The following PTPRD variants were observed in gnomAD, a reference collection of about 807,000 sequenced individuals.
PTPRD encodes protein tyrosine phosphatase receptor type D, also known as receptor-type tyrosine-protein phosphatase delta.
In PTPRD, 34 loss-of-function variants were observed where a neutral mutation model predicts 214.5. That is an observed-to-expected ratio of 0.16 (90% CI 0.12 to 0.21). PTPRD has a LOEUF of 0.21. Ranked by LOEUF, PTPRD falls within the 10% of genes least tolerant of loss-of-function variation. PTPRD has a pLI of 1.00. For synonymous variants in PTPRD, 1,128 were observed against 845.7 expected, an observed-to-expected ratio of 1.33 and a Z score of -5.79; for missense variants, 2,545 against 2,398.7, an observed-to-expected ratio of 1.06 and a Z score of -1.27.
intron 10 of PTPRD, among the ~76,000 whole-genome samples, chr9:9,034,445 C>T (rs1184861557): frequency 6.6e-6 from 1 of 152,134 alleles, no homozygotes. Context: ...CACTATGTGT[C>T]TCCCAAGGTT....
At chr9:9,770,535 T>C (rs1217322774) in intron 5 of PTPRD, among the ~76,000 whole-genome samples, 1 of 152,190 alleles carries the variant, frequency 6.6e-6, no homozygotes, top group Non-Finnish European at 1.5e-5. Context: ...TATTATTTTT[T>C]GTCACCATTT....
chr9:10,018,869 C>A (rs1567128729), intron 4 of PTPRD, among the ~76,000 whole-genome samples: 1 of 151,776 alleles, frequency 6.6e-6, no homozygotes, highest in Admixed American at 6.6e-5. Context: ...TTCTAATACA[C>A]ACATTGTTAA....
At chr9:8,960,913 A>C (rs983906472) in intron 11 of PTPRD, among the ~76,000 whole-genome samples, 3 of 152,258 alleles carry the variant, frequency 2.0e-5, no homozygotes, top group Non-Finnish European at 4.4e-5. Context: ...TCATTAATAA[A>C]TCTATTCATT....
At chr9:9,600,796 C>A (rs912681744) in intron 7 of PTPRD, among the ~76,000 whole-genome samples, 1 of 152,068 alleles carries the variant, frequency 6.6e-6, no homozygotes, top group Non-Finnish European at 1.5e-5. Context: ...TATTTAAAAT[C>A]CTTTTGTACT....
chr9:8,403,777 AACC>A (rs1279248581), intron 36 of PTPRD, among the ~76,000 whole-genome samples: 1 of 152,210 alleles, frequency 6.6e-6, no homozygotes. Flanking sequence ...AATTTATATT[AACC>A]ACCACATTAT....
chr9:9,240,396 G>T (rs112100654), intron 9 of PTPRD, among the ~76,000 whole-genome samples: 3 of 152,222 alleles, frequency 2.0e-5, no homozygotes, highest in African/African-American at 7.2e-5. Flanking sequence ...TTCTAGGCTG[G>T]ATGCAATGGC....
intron 5 of PTPRD, among the ~76,000 whole-genome samples, chr9:9,935,810 C>CTGT (rs2089112321): frequency 1.3e-5 from 2 of 149,186 alleles, no homozygotes; most frequent in Admixed American, 6.6e-5. Flanking sequence ...AGGCATCACA[C>CTGT]TACCTGACTT....
chr9:9,664,372 TTTG>T (rs2096675463), intron 7 of PTPRD, among the ~76,000 whole-genome samples: 1 of 151,738 alleles, frequency 6.6e-6, no homozygotes, highest in Admixed American at 6.6e-5. Flanking sequence ...TGCTTCAGCC[TTTG>T]TTAAGAATCA....
At chr9:9,216,021 G>A (rs2099951950) in intron 9 of PTPRD, among the ~76,000 whole-genome samples, 1 of 152,120 alleles carries the variant, frequency 6.6e-6, no homozygotes, top group African/African-American at 2.4e-5. Context: ...TACTTGCTGT[G>A]TGGTTCAGAA....
chr9:8,321,521 ATATAT>A (rs1563892113), intron 44 of PTPRD, among the ~76,000 whole-genome samples: 45 of 133,382 alleles, frequency 3.4e-4, no homozygotes, highest in Admixed American at 8.2e-4. Context: ...ATATATATAT[ATATAT>A]AAAAGGTATA....
At chr9:9,315,104 T>C (rs2135675797) in intron 9 of PTPRD, among the ~76,000 whole-genome samples, 1 of 152,200 alleles carries the variant, frequency 6.6e-6, no homozygotes, top group African/African-American at 2.4e-5. Flanking sequence ...CATTGATCTT[T>C]TACCACATTA....
chr9:9,827,911 C>G (rs1023779326), intron 5 of PTPRD, among the ~76,000 whole-genome samples: 3 of 152,136 alleles, frequency 2.0e-5, no homozygotes, highest in Non-Finnish European at 2.9e-5. Context: ...AAATGCTCAT[C>G]ATCACTGGCC....
At chr9:10,381,751 T>C (rs1317960369) in intron 2 of PTPRD, among the ~76,000 whole-genome samples, 1 of 151,918 alleles carries the variant, frequency 6.6e-6, no homozygotes. Flanking sequence ...TTTTATATAT[T>C]ATATTTGTGT....
chr9:10,044,279 A>G (rs893858963), intron 3 of PTPRD, among the ~76,000 whole-genome samples: 3 of 151,850 alleles, frequency 2.0e-5, no homozygotes, highest in African/African-American at 7.2e-5. Flanking sequence ...TACAGAGGAC[A>G]TAATAGATTA....
intron 35 of PTPRD, among the ~76,000 whole-genome samples, chr9:8,412,499 G>T (rs1434340262): frequency 6.6e-6 from 1 of 152,122 alleles, no homozygotes; most frequent in Admixed American, 6.6e-5. Context: ...CTAGATGAAT[G>T]CATTAATTCC....
chr9:10,114,137 G>C (rs1484228161), intron 3 of PTPRD, among the ~76,000 whole-genome samples: 1 of 152,144 alleles, frequency 6.6e-6, no homozygotes. Flanking sequence ...CACTGTAAAG[G>C]TGGAAAGAAC....
intron 9 of PTPRD, among the ~76,000 whole-genome samples, chr9:9,358,340 T>C (rs541540722): frequency 6.6e-5 from 10 of 151,498 alleles, no homozygotes; most frequent in Non-Finnish European, 1.2e-4. Flanking sequence ...GCAGCATGTA[T>C]TCTTTTTGGT....
intron 12 of PTPRD, among the ~76,000 whole-genome samples, chr9:8,729,618 A>G (rs530345399): frequency 7.2e-5 from 11 of 152,356 alleles, no homozygotes; most frequent in South Asian, 4.1e-4. Flanking sequence ...ACCCAGGAGT[A>G]TTATATCATG....
At chr9:9,774,324 T>G (rs1333248700) in intron 5 of PTPRD, among the ~76,000 whole-genome samples, 1 of 152,324 alleles carries the variant, frequency 6.6e-6, no homozygotes, top group East Asian at 1.9e-4. Flanking sequence ...TGATACATAT[T>G]TACATACATT....
Sources: allele counts gnomAD v4.1 joint callset (sites outside exome capture counted in the v4.1 genomes callset), GRCh38; gene constraint gnomAD v4.1.1; transcripts MANE v1.5; gene names NCBI Gene and HGNC (gene_info 2026-07-23, HGNC 2026-07-21).